The following WDPCP variants were observed in gnomAD, a reference collection of about 807,000 sequenced individuals.
WDPCP encodes WD repeat containing planar cell polarity effector, also known as WD repeat-containing and planar cell polarity effector protein fritz homolog.
In WDPCP, 71 loss-of-function variants were observed where a neutral mutation model predicts 93.1. The ratio of observed to expected loss-of-function variants is 0.76; its 90% CI spans 0.63 to 0.93. The LOEUF is 0.93. WDPCP is among the 40% of genes least tolerant of loss of function. WDPCP has a pLI of 0.00. For synonymous variants in WDPCP, 315 were observed against 315.0 expected (o/e 1.00, Z 0.00); for missense variants, 844 against 887.4 (o/e 0.95, Z 0.62).
chr2:63,230,216 C>T (rs970014165), intron 14 of WDPCP, among the ~76,000 whole-genome samples: 10 of 151,448 alleles, frequency 6.6e-5, no homozygotes, highest in Admixed American at 2.6e-4. Context: ...ATAGTTTGCT[C>T]AGAATGATGG....
intron 2 of WDPCP, among the ~76,000 whole-genome samples, chr2:63,720,613 T>G (rs764354672): frequency 3.9e-5 from 6 of 152,104 alleles, no homozygotes; most frequent in Non-Finnish European, 7.4e-5. Flanking sequence ...ATAACATTAT[T>G]AAGTCTAATG....
intron 14 of WDPCP, among the ~76,000 whole-genome samples, chr2:63,254,371 T>C (rs1680970045): frequency 6.6e-6 from 1 of 151,982 alleles, no homozygotes; most frequent in African/African-American, 2.4e-5. Context: ...CCCCTGAAGC[T>C]AAAATAAAAG....
chr2:63,225,717 T>C (rs2104514398), intron 14 of WDPCP, among the ~76,000 whole-genome samples: 1 of 152,038 alleles, frequency 6.6e-6, no homozygotes. Flanking sequence ...AATAAAATTA[T>C]GTTTTCCTCA....
chr2:63,567,367 T>C (rs1221156564), intron 1 of WDPCP, among the ~76,000 whole-genome samples: 1 of 152,166 alleles, frequency 6.6e-6, no homozygotes, highest in African/African-American at 2.4e-5. Context: ...ACTGCAGAGA[T>C]TGCAAGGGTT....
intron 1 of WDPCP, among the ~76,000 whole-genome samples, chr2:63,583,167 G>A (rs893314748): frequency 1.3e-5 from 2 of 151,994 alleles, no homozygotes; most frequent in Admixed American, 1.3e-4. Flanking sequence ...TACATGAAAT[G>A]GTATAATATC....
intron 1 of WDPCP, among the ~76,000 whole-genome samples, chr2:63,499,352 A>G (rs1277062696): frequency 2.0e-5 from 3 of 152,234 alleles, no homozygotes; most frequent in Admixed American, 1.3e-4. Context: ...GATAAATCAG[A>G]GCCATAATAA....
chr2:63,320,146 A>G (rs1163863171), intron 12 of WDPCP, among the ~76,000 whole-genome samples: 2 of 152,176 alleles, frequency 1.3e-5, no homozygotes, highest in African/African-American at 4.8e-5. Flanking sequence ...AAAAAACAAT[A>G]GCAGAATAAT....
intron 9 of WDPCP, among the ~76,000 whole-genome samples, chr2:63,410,580 T>A (rs572235607): frequency 1.8e-4 from 27 of 152,274 alleles, no homozygotes; most frequent in African/African-American, 6.5e-4. Flanking sequence ...AATGCTCCAC[T>A]TAAAACATAC....
chr2:63,603,498 A>G lies in WDPCP; in HGVS notation n.488+47161T>C, dbSNP rs546877187. On this transcript the variant is annotated intron_variant and non_coding_transcript_variant, in intron 3 of 4. Coordinates refer to the WDPCP transcript ENST00000467687. ...TGTCACCAAAACAGATCAGCTTCTT[A>G]AAATATTTTTCCACATTCCCTTCTG... is the stretch of plus-strand genomic sequence containing the variant. Among the ~76,000 whole-genome samples the G allele has an allele frequency of 3.3e-5, 5 of 152,204 alleles. No individual in the cohort carries two copies. The South Asian group carries it at 1.0e-3, about 32-fold the overall frequency.
intron 2 of WDPCP, among the ~76,000 whole-genome samples, chr2:63,741,309 G>A (rs1350463686): frequency 6.6e-6 from 1 of 151,810 alleles, no homozygotes; most frequent in African/African-American, 2.4e-5. Flanking sequence ...GACCTTCTTT[G>A]ATTTATTTTT....
At chr2:63,489,725 T>G (rs1700761301) in intron 2 of WDPCP, among the ~76,000 whole-genome samples, 1 of 151,942 alleles carries the variant, frequency 6.6e-6, no homozygotes, top group Admixed American at 6.6e-5. Flanking sequence ...AATAAAATAA[T>G]GATATGACTA....
intron 3 of WDPCP, among the ~76,000 whole-genome samples, chr2:63,609,235 C>T (rs1423480433): frequency 5.9e-5 from 9 of 152,044 alleles, no homozygotes; most frequent in Admixed American, 5.9e-4. Context: ...GGCATGGTGG[C>T]GCATGCCTGT....
At chr2:63,620,327 C>T (rs1317984958) in intron 3 of WDPCP, among the ~76,000 whole-genome samples, 5 of 152,156 alleles carry the variant, frequency 3.3e-5, no homozygotes, top group Admixed American at 3.3e-4. Context: ...GATGCTCAAG[C>T]TTGGTAGGGG....
chr2:63,784,865 C>T (rs1290167230), intron 2 of WDPCP, among the ~76,000 whole-genome samples: 2 of 152,050 alleles, frequency 1.3e-5, no homozygotes, highest in African/African-American at 2.4e-5. Context: ...AATTGGCAAA[C>T]CTGGGTATAA....
intron 1 of WDPCP, among the ~76,000 whole-genome samples, chr2:63,825,254 G>A (rs1225132154): frequency 1.3e-5 from 2 of 152,058 alleles, no homozygotes; most frequent in African/African-American, 4.8e-5. Context: ...AGGCCACTCT[G>A]CCTCGCTAGT....
At chr2:63,250,709 CAGTTA>C (rs1024068058) in intron 14 of WDPCP, among the ~76,000 whole-genome samples, 1 of 152,074 alleles carries the variant, frequency 6.6e-6, no homozygotes, top group Non-Finnish European at 1.5e-5. Context: ...GATAAACAAA[CAGTTA>C]AGTTTGTGAT....
intron 1 of WDPCP, among the ~76,000 whole-genome samples, chr2:63,520,399 T>C (rs755385638): frequency 2.6e-5 from 4 of 152,248 alleles, no homozygotes; most frequent in Non-Finnish European, 4.4e-5. Flanking sequence ...TCCTGCAGAA[T>C]ACTACCCAAG....
At chr2:63,837,620 C>A in the WDPCP span, among the ~76,000 whole-genome samples, 2 of 152,224 alleles carry the variant, frequency 1.3e-5, no homozygotes, top group African/African-American at 4.8e-5. Context: ...ATACCTTTAA[C>A]AATTCCTACA....
intron 14 of WDPCP, among the ~76,000 whole-genome samples, chr2:63,213,442 C>T (rs572736313): frequency 6.6e-6 from 1 of 152,144 alleles, no homozygotes; most frequent in Non-Finnish European, 1.5e-5. Context: ...AAACACACAA[C>T]ATACCAGAAT....
Sources: allele counts gnomAD v4.1 joint callset (sites outside exome capture counted in the v4.1 genomes callset), GRCh38; gene constraint gnomAD v4.1.1; transcripts MANE v1.5; gene names NCBI Gene and HGNC (gene_info 2026-07-23, HGNC 2026-07-21).